The following TMC1 variants were observed in gnomAD, a reference collection of about 807,000 sequenced individuals.
TMC1 encodes transmembrane channel-like protein 1.
TMC1 carries 84 observed loss-of-function variants against 105.8 expected under a neutral mutation model. That is an observed-to-expected ratio of 0.79 (90% confidence interval 0.67 to 0.95). The LOEUF (loss-of-function observed/expected upper bound fraction) is 0.95. Ranked by LOEUF, TMC1 falls within the 40% of genes least tolerant of loss-of-function variation. The pLI is 0.00. For missense variants in TMC1, 817 were observed against 914.1 expected (o/e 0.89, Z 1.37); for synonymous variants, 315 against 311.5 (o/e 1.01, Z -0.12).
chr9:72,686,234 G>A (rs1292854729), intron 5 of TMC1, among the ~76,000 whole-genome samples: 1 of 152,098 alleles, frequency 6.6e-6, no homozygotes. Context: ...AGGAGACAAG[G>A]TTATTTTTAA....
intron 5 of TMC1, among the ~76,000 whole-genome samples, chr9:72,664,146 T>G (rs1353440959): frequency 1.3e-5 from 2 of 152,214 alleles, no homozygotes; most frequent in African/African-American, 4.8e-5. Context: ...AAAATAACGA[T>G]TAAGAGTATT....
At chr9:72,749,602 G>A (rs1381303379) in intron 10 of TMC1, among the ~76,000 whole-genome samples, 1 of 152,102 alleles carries the variant, frequency 6.6e-6, no homozygotes, top group African/African-American at 2.4e-5. Flanking sequence ...GGGTGGGGTT[G>A]TGTATCAAAA....
chr9:72,735,128 A>G (rs747174429), intron 8 of TMC1, among the ~76,000 whole-genome samples: 1 of 152,210 alleles, frequency 6.6e-6, no homozygotes, highest in Non-Finnish European at 1.5e-5. Context: ...ACCTCGCTCA[A>G]TTATTTATCA....
intron 18 of TMC1, among the ~76,000 whole-genome samples, chr9:72,813,197 A>G (rs1308751583): frequency 1.3e-5 from 2 of 151,316 alleles, no homozygotes; most frequent in Non-Finnish European, 1.5e-5. Flanking sequence ...AGCTTTTTCT[A>G]TTTTAGAGAC....
chr9:72,701,683 A>G (rs1826648886), intron 8 of TMC1, among the ~76,000 whole-genome samples: 1 of 152,232 alleles, frequency 6.6e-6, no homozygotes, highest in African/African-American at 2.4e-5. Context: ...TGGTTCTGCA[A>G]GAGCTTGTGT....
rs748489517 is a variant in TMC1, at chr9:72,609,509, C to T, written c.-305-6859C>T. On this transcript the variant is annotated intron_variant, in intron 2 of 23. Transcript: ENST00000297784. Reference sequence around the variant, plus strand: ...GAGCCGAGATCGTTCCACTGCATTCCGGCCTGGGTGACAGAGTGAGTGAGA... The same window carrying T: ...GAGCCGAGATCGTTCCACTGCATTCTGGCCTGGGTGACAGAGTGAGTGAGA... Among the ~76,000 whole-genome samples, 8 of 151,928 alleles carry T rather than the reference C, an allele frequency of 5.3e-5. 1 individual carries two copies. The highest frequency in any genetic ancestry group is 3.9e-4 in the Admixed American group (6 of 15,226).
At chr9:72,649,853 G>A (rs1825771951) in intron 5 of TMC1, among the ~76,000 whole-genome samples, 1 of 152,116 alleles carries the variant, frequency 6.6e-6, no homozygotes. Context: ...TATAGTGCTG[G>A]CAAACTTTTT....
chr9:72,714,843 C>T (rs1299227521), intron 8 of TMC1, among the ~76,000 whole-genome samples: 10 of 152,248 alleles, frequency 6.6e-5, no homozygotes, highest in East Asian at 1.9e-4. Context: ...TTAGTTGATG[C>T]GATTTCTTCA....
intron 5 of TMC1, among the ~76,000 whole-genome samples, chr9:72,681,013 G>A (rs1826277475): frequency 6.6e-6 from 1 of 152,120 alleles, no homozygotes; most frequent in South Asian, 2.1e-4. Context: ...ACGGAGGACA[G>A]AAAGATTCCT....
At chr9:72,814,875 A>C (rs554940280) in intron 18 of TMC1, among the ~76,000 whole-genome samples, 1 of 150,586 alleles carries the variant, frequency 6.6e-6, no homozygotes, top group East Asian at 2.0e-4. Context: ...TGGGAGGAAC[A>C]GAGGCTCTCT....
At chr9:72,725,325 G>GTGTATGTATATA (rs1346287163) in intron 8 of TMC1, among the ~76,000 whole-genome samples, 1 of 77,684 alleles carries the variant, frequency 1.3e-5, no homozygotes, top group Non-Finnish European at 2.8e-5. Flanking sequence ...ATGTGTGTAT[G>GTGTATGTATATA]TATATATATA....
chr9:72,614,003 A>G (rs1426238497), intron 2 of TMC1, among the ~76,000 whole-genome samples: 2 of 152,192 alleles, frequency 1.3e-5, no homozygotes, highest in Non-Finnish European at 2.9e-5. Context: ...AGAGGAAAGG[A>G]TGGTAACTGA....
At chr9:72,766,135 C>T (rs539128511) in intron 12 of TMC1, among the ~76,000 whole-genome samples, 6 of 152,128 alleles carry the variant, frequency 3.9e-5, no homozygotes, top group East Asian at 1.9e-4. Context: ...TAGCACATCT[C>T]GGCTGGGCGT....
At chr9:72,750,960 G>C (rs528678914) in intron 10 of TMC1, among the ~76,000 whole-genome samples, 49 of 152,288 alleles carry the variant, frequency 3.2e-4, no homozygotes, top group African/African-American at 1.1e-3. Context: ...GCATGTTGCT[G>C]TCTTTTCTTC....
At chr9:72,549,199 G>A (rs891520553) in intron 1 of TMC1, among the ~76,000 whole-genome samples, 2 of 152,120 alleles carry the variant, frequency 1.3e-5, no homozygotes, top group African/African-American at 4.8e-5. Context: ...CCTATCAAAG[G>A]TAATCATCAG....
chr9:72,747,785 G>A (rs143867833), intron 10 of TMC1, among the ~76,000 whole-genome samples: 164 of 152,150 alleles, frequency 1.1e-3, no homozygotes, highest in African/African-American at 3.7e-3. Context: ...TAGTAGAGAC[G>A]GGGTTTCAAC....
In TMC1 at chr9:72,603,738, C is replaced by G. The variant is rs371643701; in HGVS notation, c.-305-12630C>G. 2.0e-5 allele frequency among the ~76,000 whole-genome samples: 3 copies of G among 150,716 alleles called. No homozygotes were observed. In the South Asian group the frequency reaches 6.3e-4, roughly 32 times the overall value. On this transcript the variant is annotated intron_variant, in intron 2 of 23. Transcript: ENST00000297784. ...CTAGTTTTTGTATTTTTAGTAGAGA[C>G]GGGGTTTCACCATGTTGGCTGGTCA...
intron 6 of TMC1, among the ~76,000 whole-genome samples, chr9:72,691,330 C>T (rs1234202449): frequency 1.3e-5 from 2 of 151,994 alleles, no homozygotes; most frequent in African/African-American, 2.4e-5. Flanking sequence ...GTTTCTGGAG[C>T]TTTATCTTCT....
chr9:72,768,598 C>A (rs1464237845), intron 12 of TMC1, among the ~76,000 whole-genome samples: 1 of 151,950 alleles, frequency 6.6e-6, no homozygotes, highest in African/African-American at 2.4e-5. Flanking sequence ...ATGACTCTGC[C>A]TGCCCCAACT....
Sources: allele counts gnomAD v4.1 joint callset (sites outside exome capture counted in the v4.1 genomes callset), GRCh38; gene constraint gnomAD v4.1.1; transcripts MANE v1.5; gene names NCBI Gene and HGNC (gene_info 2026-07-23, HGNC 2026-07-21).